The following NKAIN2 variants were observed in gnomAD, a reference collection of about 807,000 sequenced individuals.
NKAIN2 encodes the protein sodium/potassium-transporting ATPase subunit beta-1-interacting protein 2.
Under a neutral mutation model 32.6 loss-of-function variants are expected in NKAIN2, and 14 were observed. That is an observed-to-expected ratio of 0.43 (90% confidence interval 0.28 to 0.67). The LOEUF is 0.67. Ranked by LOEUF, NKAIN2 falls within the 30% of genes least tolerant of loss-of-function variation. The pLI is 0.17. For synonymous variants in NKAIN2, 80 were observed against 87.2 expected, an observed-to-expected ratio of 0.92 and a Z score of 0.46; for missense variants, 198 against 258.3, an observed-to-expected ratio of 0.77 and a Z score of 1.60.
chr6:124,270,984 G>T (rs1054986823), intron 1 of NKAIN2, among the ~76,000 whole-genome samples: 1 of 152,164 alleles, frequency 6.6e-6, no homozygotes, highest in Non-Finnish European at 1.5e-5. Context: ...TTAAGGGAGG[G>T]ACCTGGTGGG....
chr6:124,540,392 T>G (rs1379622213), intron 3 of NKAIN2, among the ~76,000 whole-genome samples: 1 of 152,236 alleles, frequency 6.6e-6, no homozygotes, highest in Non-Finnish European at 1.5e-5. Context: ...TTTCTTGAAT[T>G]TAATATGCCA....
At chr6:124,116,402 G>A (rs141967993) in intron 1 of NKAIN2, among the ~76,000 whole-genome samples, 14 of 152,122 alleles carry the variant, frequency 9.2e-5, no homozygotes, top group Middle Eastern at 3.4e-3. Context: ...GCTATCGCGG[G>A]AACAGCATGC....
chr6:124,286,673 T>TGTGTGC (rs1177278233), intron 2 of NKAIN2, among the ~76,000 whole-genome samples: 7 of 101,934 alleles, frequency 6.9e-5, no homozygotes, highest in South Asian at 5.6e-4. Flanking sequence ...TGTGTGTGTG[T>TGTGTGC]GCGCGCGCGT....
intron 2 of NKAIN2, among the ~76,000 whole-genome samples, chr6:124,301,361 G>A (rs748966838): frequency 9.2e-5 from 14 of 152,206 alleles, no homozygotes; most frequent in African/African-American, 2.2e-4. Flanking sequence ...TCCTGCAGGC[G>A]CAGAACCCTC....
intron 1 of NKAIN2, among the ~76,000 whole-genome samples, chr6:123,998,565 G>A (rs4574657): frequency 0.054 from 8,231 of 151,958 alleles, 331 homozygotes; most frequent in South Asian, 0.13. Flanking sequence ...GACATCTTTC[G>A]TAAGATTAGT....
chr6:124,418,480 A>G (rs1406778289), intron 3 of NKAIN2, among the ~76,000 whole-genome samples: 1 of 148,042 alleles, frequency 6.8e-6, no homozygotes, highest in Non-Finnish European at 1.5e-5. Context: ...TATAGTATAT[A>G]TATATAGTTT....
At chr6:123,948,027 A>G (rs1364111804) in intron 1 of NKAIN2, among the ~76,000 whole-genome samples, 3 of 152,018 alleles carry the variant, frequency 2.0e-5, no homozygotes, top group African/African-American at 7.2e-5. Flanking sequence ...TTGTCTTTCT[A>G]TGCCTGGCTT....
chr6:124,752,584 G>A (rs760430935), intron 4 of NKAIN2, among the ~76,000 whole-genome samples: 3 of 151,756 alleles, frequency 2.0e-5, no homozygotes, highest in Non-Finnish European at 4.4e-5. Flanking sequence ...CATGTTTGGG[G>A]AGTGTAAGCA....
chr6:124,032,862 G>A (rs1781463272), intron 1 of NKAIN2, among the ~76,000 whole-genome samples: 1 of 151,906 alleles, frequency 6.6e-6, no homozygotes, highest in Non-Finnish European at 1.5e-5. Flanking sequence ...TATAGGAATA[G>A]TATTAACAAT....
chr6:123,941,441 A>G (rs946160531), intron 1 of NKAIN2, among the ~76,000 whole-genome samples: 3 of 151,872 alleles, frequency 2.0e-5, no homozygotes, highest in Non-Finnish European at 2.9e-5. Context: ...ACAGATTTGT[A>G]TACCGCAGTG....
At chr6:124,806,857 G>C (rs572053520) in intron 5 of NKAIN2, among the ~76,000 whole-genome samples, 2 of 152,154 alleles carry the variant, frequency 1.3e-5, no homozygotes, top group Admixed American at 1.3e-4. Context: ...TGATAAAACA[G>C]ACTTTAAGCC....
intron 1 of NKAIN2, among the ~76,000 whole-genome samples, chr6:123,971,061 T>C (rs1187224702): frequency 6.6e-6 from 1 of 152,058 alleles, no homozygotes; most frequent in Non-Finnish European, 1.5e-5. Context: ...GCTGGAAGCC[T>C]AGGAAATAGG....
At chr6:124,216,735 A>C (rs1319444995) in intron 1 of NKAIN2, among the ~76,000 whole-genome samples, 1 of 152,214 alleles carries the variant, frequency 6.6e-6, no homozygotes, top group Non-Finnish European at 1.5e-5. Flanking sequence ...TTGAATGTTA[A>C]TAATTCAATA....
chr6:124,595,619 C>G (rs1040431207), intron 3 of NKAIN2, among the ~76,000 whole-genome samples: 1 of 151,978 alleles, frequency 6.6e-6, no homozygotes, highest in Admixed American at 6.6e-5. Context: ...TTTGCCAAGA[C>G]AATGTAAAAT....
At chr6:124,559,057 C>T (rs945638) in intron 3 of NKAIN2, among the ~76,000 whole-genome samples, 82,534 of 151,926 alleles carry the variant, frequency 0.54, 23,097 homozygotes, top group East Asian at 0.69. Flanking sequence ...GCTCAGAAAG[C>T]CAGTGTATAC....
chr6:124,071,380 C>T (rs886775604), intron 1 of NKAIN2, among the ~76,000 whole-genome samples: 9 of 151,932 alleles, frequency 5.9e-5, no homozygotes, highest in African/African-American at 2.2e-4. Flanking sequence ...TAGAAGAAAA[C>T]CCAGGAAACA....
At chr6:124,722,477 G>C (rs1412810627) in intron 4 of NKAIN2, among the ~76,000 whole-genome samples, 1 of 152,174 alleles carries the variant, frequency 6.6e-6, no homozygotes, top group African/African-American at 2.4e-5. Flanking sequence ...AAGAATGGAG[G>C]GGAATAGTTT....
Position 124,824,612 on chromosome 6 carries a change from A to C in NKAIN2, c.*1383A>C, listed in dbSNP as rs1022072733. On this transcript the variant is annotated 3_prime_UTR_variant, in exon 7 of 7. Transcript: ENST00000368417. ...CATTATTTGGTTTTCATTAGTGGAA[A>C]ACATAATTAGCTCAGGCTTATCAGG... is the stretch of plus-strand genomic sequence containing the variant. The C allele has an allele frequency of 3.3e-5, 5 of 152,214 alleles. No homozygotes were observed. The highest frequency in any genetic ancestry group is 1.2e-4 in the African/African-American group (5 of 41,454). 9.4% of individuals were successfully genotyped at this position (152,214 alleles called of 1,614,324 possible).
chr6:124,342,481 T>C (rs115223249), intron 2 of NKAIN2, among the ~76,000 whole-genome samples: 2,591 of 151,910 alleles, frequency 0.017, 78 homozygotes, highest in East Asian at 0.11. Flanking sequence ...TAAACCTTTT[T>C]CTTGCTTAAA....
Sources: gnomAD v4.1 joint callset for allele counts (sites outside exome capture counted in the v4.1 genomes callset) on GRCh38, gnomAD v4.1.1 for gene constraint, MANE v1.5 for transcripts, NCBI Gene and HGNC (gene_info 2026-07-23, HGNC 2026-07-21) for gene names.